Variants in NOD2 observed in about 807,000 individuals in gnomAD.
NOD2 encodes nucleotide binding oligomerization domain containing 2.
Under a neutral mutation model 90.9 loss-of-function variants are expected in NOD2, and 86 were observed. The ratio of observed to expected loss-of-function variants is 0.95; its 90% CI spans 0.79 to 1.13. The LOEUF (loss-of-function observed/expected upper bound fraction) is 1.13. Among genes scored for constraint, NOD2 ranks in the 50% most tolerant of loss-of-function variants. NOD2 has a pLI of 0.00. For missense variants in NOD2, 1,238 were observed against 1,283.8 expected, an observed-to-expected ratio of 0.96 and a Z score of 0.55; for synonymous variants, 581 against 554.6, an observed-to-expected ratio of 1.05 and a Z score of -0.67.
At chr16:50,694,093 G>A (rs1166143012) in intron 1 of NOD2, among the ~76,000 whole-genome samples, 1 of 152,124 alleles carries the variant, frequency 6.6e-6, no homozygotes, top group Non-Finnish European at 1.5e-5. Context: ...GACCTGCGAG[G>A]CCACATCCCC....
At position 50,710,826 on chromosome 16, in the gene NOD2, G is replaced by A. The variant is rs768258168; in HGVS notation, c.834G>A (p.Lys278=). 5 of 1,614,122 alleles carry A rather than the reference G, an allele frequency of 3.1e-6. No individual in the cohort carries two copies. Among genetic ancestry groups the A allele is most frequent in the Middle Eastern group, 1.6e-4 (1 of 6,062 alleles). ...VLVVGEAGSG[K]STLLQRLHLL... ...TGGTGGGTGAGGCGGGCAGTGGCAA[G>A]AGCACGCTCCTGCAGCGGCTGCACT... The change falls in exon 4 of 12, where the codon AAG becomes AAA. Residue 278 remains lysine, a synonymous_variant. Coordinates refer to ENST00000647318, the MANE Select transcript of NOD2 (RefSeq NM_001370466.1).
At chr16:50,722,285 G>A (rs1307475515) in intron 7 of NOD2, among the ~76,000 whole-genome samples, 8 of 152,214 alleles carry the variant, frequency 5.3e-5, no homozygotes, top group South Asian at 2.1e-4. Context: ...ACCAGGAAGC[G>A]TATCTGAACT....
In NOD2 at chr16:50,731,821, G is replaced by C; in HGVS notation, c.*2G>C. The C allele has an allele frequency of 6.2e-7, 1 of 1,611,268 alleles. No individual in the cohort carries two copies. ...AGGGACACCAGACTCTTGCTTTGAA[G>C]TCTCCGGGAGGATGTTCGTCTCAGT... is the stretch of plus-strand genomic sequence containing the variant. On this transcript the variant is annotated 3_prime_UTR_variant, in exon 12 of 12. Coordinates refer to ENST00000647318, the MANE Select transcript of NOD2 (RefSeq NM_001370466.1).
intron 4 of NOD2, chr16:50,712,646 G>A (rs1174438381): frequency 3.8e-6 from 2 of 529,198 alleles, no homozygotes; most frequent in Admixed American, 6.4e-5. Context: ...GGGTAGGCAG[G>A]AATGTTATTA....
At position 50,707,890 on chromosome 16, in the gene NOD2, G is replaced by A. The variant is rs369122423; in HGVS notation, c.495G>A (p.Ala165=). Residue 165 remains alanine (A), a synonymous_variant, in exon 3 of 12, where the codon GCG becomes GCA. Transcript: ENST00000647318. ...TGCTTGATCTTGCCACGGTGAAAGC[G>A]AATGGATTGGCTGCCTTCCTTCTAC... The part of the protein sequence containing the change: ...RRLLDLATVK[A]NGLAAFLLQH... 12 of 1,614,140 alleles carry A rather than the reference G, an allele frequency of 7.4e-6. No individual in the cohort carries two copies. Among genetic ancestry groups the A allele is most frequent in the Admixed American group, 1.7e-5 (1 of 60,026 alleles).
rs1964572893 is a variant in NOD2, at chr16:50,712,306, T to C, written c.2314T>C (p.Tyr772His). The C allele has an allele frequency of 6.2e-7, 1 of 1,613,938 alleles. No individual in the cohort carries two copies. Among genetic ancestry groups the C allele is most frequent in the Non-Finnish European group, 8.5e-7 (1 of 1,180,046 alleles). Reference protein sequence around the residue: ...LRRPVALQLDYNSVGDIGVEQ... With the variant: ...LRRPVALQLDHNSVGDIGVEQ... The stretch of plus-strand genomic sequence containing the variant: ...GCGGCCCGTGGCCCTGCAGCTGGAC[T>C]ACAACTCTGTGGGTGACATTGGCGT... Residue 772 changes from tyrosine to histidine, a missense_variant, in exon 4 of 12, where the codon TAC (tyrosine) becomes CAC (histidine). Physicochemically the swap from Tyr to His is moderately conservative, Grantham distance 83. Around this residue, in one of 3 missense-constraint regions of NOD2, gnomAD observed 667 missense variants for 688.7 expected, o/e 0.97. Coordinates refer to ENST00000647318, the MANE Select transcript of NOD2 (RefSeq NM_001370466.1).
At chr16:50,721,005 A>T (rs1016491734) in intron 7 of NOD2, among the ~76,000 whole-genome samples, 1 of 151,874 alleles carries the variant, frequency 6.6e-6, no homozygotes, top group Non-Finnish European at 1.5e-5. Context: ...GGGTTTCACC[A>T]TGTTGGCCCG....
chr16:50,706,749 T>C (rs1046350141), intron 2 of NOD2, among the ~76,000 whole-genome samples: 5 of 150,634 alleles, frequency 3.3e-5, no homozygotes, highest in Admixed American at 2.0e-4. Flanking sequence ...CAGGCTGGAG[T>C]GCAGTGGTGT....
intron 2 of NOD2, among the ~76,000 whole-genome samples, chr16:50,700,470 A>C (rs137899748): frequency 6.6e-6 from 1 of 152,352 alleles, no homozygotes; most frequent in Non-Finnish European, 1.5e-5. Context: ...CCAGGAACTC[A>C]GATTCTGGAG....
At chr16:50,696,750 T>C (rs1191403751) in intron 1 of NOD2, among the ~76,000 whole-genome samples, 1 of 152,230 alleles carries the variant, frequency 6.6e-6, no homozygotes, top group African/African-American at 2.4e-5. Context: ...GGATTCTCTC[T>C]GCTCTGAGGT....
At chr16:50,716,804 C>A in intron 5 of NOD2, 87 bp from the exon 6 acceptor site, 1 of 1,492,130 alleles carries the variant, frequency 6.7e-7, no homozygotes, top group Non-Finnish European at 9.4e-7. Context: ...GTGATTCCTG[C>A]CCAGAGGGGA....
chr16:50,697,786 G>A (rs1261679405), intron 1 of NOD2: 2 of 248,588 alleles, frequency 8.0e-6, no homozygotes, highest in Non-Finnish European at 1.6e-5. Flanking sequence ...ACCAGCACAG[G>A]GCCCCCTGTG....
chr16:50,705,654 T>G (rs1236017044), intron 2 of NOD2, among the ~76,000 whole-genome samples: 1 of 152,220 alleles, frequency 6.6e-6, no homozygotes, highest in African/African-American at 2.4e-5. Context: ...AGTCATTTCC[T>G]TCAGTTCCGG....
chr16:50,720,596 C>T (rs1965010551), intron 7 of NOD2, among the ~76,000 whole-genome samples: 1 of 152,184 alleles, frequency 6.6e-6, no homozygotes, highest in South Asian at 2.1e-4. Context: ...GGGTGGGCTT[C>T]CTCTGTTTGC....
chr16:50,732,037 C>A lies in NOD2; in HGVS notation c.*218C>A. The stretch of plus-strand genomic sequence containing the variant: ...AGACTTTTCCCAAGCCTACTTTTGC[C>A]ATTGACTTCTTCCCAAGATTCAATC... On this transcript the variant is annotated 3_prime_UTR_variant, in exon 12 of 12. Transcript: ENST00000647318. 1 of 575,580 alleles carries A rather than the reference C, an allele frequency of 1.7e-6. No individual in the cohort carries two copies. The highest frequency in any genetic ancestry group is 3.2e-6 in the Non-Finnish European group (1 of 315,892). The allele number at this position is 575,580 out of a possible 1,614,324, so 35.7% of individuals were successfully genotyped here.
intron 2 of NOD2, among the ~76,000 whole-genome samples, chr16:50,701,883 G>C (rs1177483580): frequency 1.3e-5 from 2 of 152,174 alleles, no homozygotes; most frequent in African/African-American, 4.8e-5. Context: ...GGACATAGGG[G>C]GAAATTTACA....
At chr16:50,723,147 A>AG (rs1203616668) in intron 8 of NOD2, among the ~76,000 whole-genome samples, 154 bp from the exon 9 acceptor site, 4 of 151,692 alleles carry the variant, frequency 2.6e-5, no homozygotes, top group African/African-American at 7.3e-5. Context: ...TAGAAAAAAA[A>AG]AAAAAAAGAA....
Position 50,711,412 on chromosome 16 carries a change from C to T in NOD2, c.1420C>T (p.Leu474=). 2.5e-6 allele frequency: 4 copies of T among 1,613,664 alleles called. No homozygotes were observed. The highest frequency in any genetic ancestry group is 3.4e-6 in the Non-Finnish European group (4 of 1,180,038). ...GTCCAAATGCCACCAGGAACTGTTG[C>T]TGCAGGAGGGGGGGTCCCCAAAGAC... ...MVSKCHQELL[L]QEGGSPKTTT... is the part of the protein sequence containing the mutation. The change falls in exon 4 of 12, where the codon CTG becomes TTG. Residue 474 remains leucine (L), a synonymous_variant. Coordinates refer to ENST00000647318, the MANE Select transcript of NOD2 (RefSeq NM_001370466.1).
At chr16:50,727,039 C>G (rs1052764723) in intron 10 of NOD2, among the ~76,000 whole-genome samples, 2 of 151,024 alleles carry the variant, frequency 1.3e-5, no homozygotes, top group African/African-American at 4.9e-5. Flanking sequence ...ACTCAGGAAG[C>G]TGAGGCAGGA....
Sources: gnomAD v4.1 joint callset for allele counts (sites outside exome capture counted in the v4.1 genomes callset) on GRCh38, gnomAD v4.1.1 for gene constraint, gnomAD v4.1.1 regional missense constraint, MANE v1.5 for transcripts, NCBI Gene and HGNC (gene_info 2026-07-23, HGNC 2026-07-21) for gene names.